CCNY: variants seen among roughly 807,000 people sequenced by gnomAD.
CCNY encodes cyclin Y.
In CCNY, 19 loss-of-function variants were observed where a neutral mutation model predicts 42.8. That is an observed-to-expected ratio of 0.44 (90% confidence interval 0.31 to 0.65). The LOEUF (loss-of-function observed/expected upper bound fraction) is 0.65, where lower values mean the gene tolerates loss of function less well. Among genes scored for constraint, CCNY ranks in the 30% least tolerant of loss-of-function variants. The pLI, the probability that CCNY is intolerant of heterozygous loss-of-function variation, is 0.07. For synonymous variants in CCNY, 165 were observed against 162.7 expected (o/e 1.01, Z -0.11); for missense variants, 370 against 437.3 (o/e 0.85, Z 1.37).
intron 3 of CCNY, among the ~76,000 whole-genome samples, chr10:35,308,978 A>G (rs951868113): frequency 3.9e-5 from 6 of 152,148 alleles, no homozygotes; most frequent in African/African-American, 1.4e-4. Context: ...AGGCCAGGAA[A>G]ACAGGGAAGG....
At chr10:35,292,566 G>A (rs749139056) in intron 3 of CCNY, among the ~76,000 whole-genome samples, 11 of 151,908 alleles carry the variant, frequency 7.2e-5, no homozygotes, top group South Asian at 4.1e-4. Context: ...TCGCCATGTT[G>A]GTCAGGCTGG....
At chr10:35,342,823 A>G (rs1836212582) in intron 1 of CCNY, among the ~76,000 whole-genome samples, 1 of 152,108 alleles carries the variant, frequency 6.6e-6, no homozygotes, top group Non-Finnish European at 1.5e-5. Context: ...GTCTGCTGTC[A>G]GCTTGCCTCC....
chr10:35,396,759 G>A (rs1267437203), intron 1 of CCNY, among the ~76,000 whole-genome samples: 1 of 152,188 alleles, frequency 6.6e-6, no homozygotes, highest in Admixed American at 6.5e-5. Context: ...TGCTTGAGTT[G>A]CTGGGTGCTG....
intron 2 of CCNY, among the ~76,000 whole-genome samples, chr10:35,498,530 G>A (rs1474829638): frequency 6.6e-6 from 1 of 152,138 alleles, no homozygotes; most frequent in East Asian, 1.9e-4. Flanking sequence ...GTTGAGCAGA[G>A]CCCTTTGAGT....
intron 3 of CCNY, among the ~76,000 whole-genome samples, chr10:35,251,589 C>T (rs1375430656): frequency 2.2e-5 from 3 of 139,344 alleles, no homozygotes; most frequent in Non-Finnish European, 3.1e-5. Flanking sequence ...TTCAATGTCA[C>T]TTTTTTTTTT....
intron 3 of CCNY, among the ~76,000 whole-genome samples, chr10:35,307,540 C>T (rs1321805942): frequency 6.6e-6 from 1 of 151,998 alleles, no homozygotes; most frequent in Non-Finnish European, 1.5e-5. Flanking sequence ...TCTGATTTTG[C>T]CAATCACGTT....
intron 3 of CCNY, among the ~76,000 whole-genome samples, chr10:35,302,747 T>C (rs1445623774): frequency 1.3e-5 from 2 of 152,196 alleles, no homozygotes; most frequent in Non-Finnish European, 2.9e-5. Flanking sequence ...GAGAACAATA[T>C]TAATTTCTCA....
At chr10:35,389,732 C>T (rs550824871) in intron 1 of CCNY, among the ~76,000 whole-genome samples, 7 of 152,264 alleles carry the variant, frequency 4.6e-5, no homozygotes, top group Admixed American at 2.0e-4. Flanking sequence ...CCATCACACC[C>T]GGCTGAGAAT....
At chr10:35,274,696 G>T (rs1437594948) in intron 3 of CCNY, among the ~76,000 whole-genome samples, 1 of 152,178 alleles carries the variant, frequency 6.6e-6, no homozygotes, top group Non-Finnish European at 1.5e-5. Flanking sequence ...GGGAGCTAAC[G>T]AAGTCCCGAG....
intron 3 of CCNY, among the ~76,000 whole-genome samples, chr10:35,252,677 T>C (rs2095712809): frequency 6.6e-6 from 1 of 152,064 alleles, no homozygotes; most frequent in South Asian, 2.1e-4. Context: ...AAATTTGTAC[T>C]GGATGGAGAT....
chr10:35,456,893 C>CA (rs1330067647), intron 1 of CCNY, among the ~76,000 whole-genome samples: 1 of 151,928 alleles, frequency 6.6e-6, no homozygotes, highest in South Asian at 2.1e-4. Flanking sequence ...ATTCACGGAT[C>CA]AAAAAAATAA....
intron 1 of CCNY, among the ~76,000 whole-genome samples, chr10:35,467,817 T>A (rs529911719): frequency 6.6e-6 from 1 of 152,068 alleles, no homozygotes; most frequent in African/African-American, 2.4e-5. Context: ...TTGCTGAGAG[T>A]TTTTATCCTA....
chr10:35,519,776 CTTT>C (rs1177122335), intron 4 of CCNY, among the ~76,000 whole-genome samples: 84 of 74,660 alleles, frequency 1.1e-3, no homozygotes, highest in African/African-American at 4.4e-3. Flanking sequence ...CTTTTCTTTT[CTTT>C]TTTTTTTTTT....
chr10:35,516,660 C>CA (rs1840433229), intron 4 of CCNY, 37 bp downstream of exon 4: 8 of 533,902 alleles, frequency 1.5e-5, no homozygotes, highest in Non-Finnish European at 2.3e-5. Context: ...TTCCTTCCTT[C>CA]CTTTTTTTTT....
rs1355588278 is a variant in CCNY, at chr10:35,553,157, A to C, written c.718A>C (p.Ile240Leu). ...TGTATGGAATGTGGATTACTGCCAG[A>C]TCCTGAAAGACATCACGGTGGAGGA... ...QAVWNVDYCQ[I>L]LKDITVEDMN... Residue 240 changes from isoleucine to leucine, a missense_variant, in exon 8 of 10, where the codon ATC (isoleucine) becomes CTC (leucine). Transcript: ENST00000374704. The C allele has an allele frequency of 1.2e-6, 2 of 1,614,162 alleles. No individual in the cohort carries two copies. Among genetic ancestry groups the C allele is most frequent in the Admixed American group, 3.3e-5 (2 of 60,020 alleles).
At chr10:35,399,354 A>T (rs1205215190) in intron 1 of CCNY, among the ~76,000 whole-genome samples, 1 of 94,172 alleles carries the variant, frequency 1.1e-5, no homozygotes, top group East Asian at 3.3e-4. Context: ...CTTCTCGGGG[A>T]CTGGTGTCTT....
chr10:35,318,506 C>T (rs879314865), intron 3 of CCNY, among the ~76,000 whole-genome samples: 13 of 152,132 alleles, frequency 8.5e-5, no homozygotes, highest in Admixed American at 2.0e-4. Flanking sequence ...AGGTTATATA[C>T]AGAAAGGTAA....
intron 5 of CCNY, 79 bp downstream of exon 5, chr10:35,526,078 C>A: frequency 8.0e-7 from 1 of 1,247,822 alleles, no homozygotes; most frequent in Non-Finnish European, 1.1e-6. Flanking sequence ...ATTCTAGTTG[C>A]TTAAACCTTT....
intron 3 of CCNY, among the ~76,000 whole-genome samples, chr10:35,291,987 C>T (rs189835536): frequency 6.6e-6 from 1 of 152,270 alleles, no homozygotes; most frequent in Admixed American, 6.5e-5. Context: ...TGTTACATTC[C>T]CACCAGTAGC....
Sources: allele counts gnomAD v4.1 joint callset (sites outside exome capture counted in the v4.1 genomes callset), GRCh38; gene constraint gnomAD v4.1.1; transcripts MANE v1.5; gene names NCBI Gene and HGNC (gene_info 2026-07-23, HGNC 2026-07-21).